The following PFKFB3 variants were observed in gnomAD, a reference collection of about 807,000 sequenced individuals.
PFKFB3 encodes the protein 6-phosphofructo-2-kinase/fructose-2,6-bisphosphatase 3.
PFKFB3 carries 33 observed loss-of-function variants against 68.0 expected under a neutral mutation model. That is an observed-to-expected ratio of 0.49 (90% CI 0.37 to 0.65). The LOEUF (loss-of-function observed/expected upper bound fraction) is 0.65, where lower values mean the gene tolerates loss of function less well. Among genes scored for constraint, PFKFB3 ranks in the 30% least tolerant of loss-of-function variants. PFKFB3 has a pLI of 0.00. For synonymous variants in PFKFB3, 315 were observed against 288.2 expected (o/e 1.09, Z -0.94); for missense variants, 586 against 712.2 (o/e 0.82, Z 2.02).
the PFKFB3 span, among the ~76,000 whole-genome samples, chr10:6,285,201 C>T: frequency 1.3e-5 from 2 of 151,426 alleles, no homozygotes; most frequent in Non-Finnish European, 2.9e-5. Context: ...TTTCTATCAG[C>T]AATACACAAG....
At chr10:6,302,373 T>TG in the PFKFB3 span, among the ~76,000 whole-genome samples, 1 of 83,040 alleles carries the variant, frequency 1.2e-5, no homozygotes, top group African/African-American at 4.5e-5. Flanking sequence ...TTTTTTTTTT[T>TG]TTTTTTTTTT....
intron 1 of PFKFB3, among the ~76,000 whole-genome samples, chr10:6,168,253 G>A (rs542198434): frequency 1.4e-3 from 218 of 152,292 alleles, no homozygotes; most frequent in Non-Finnish European, 2.5e-3. Context: ...CCCACTTGCT[G>A]AGCGAGGGCC....
chr10:6,203,768 C>T (rs753101142), intron 1 of PFKFB3, among the ~76,000 whole-genome samples: 1 of 152,252 alleles, frequency 6.6e-6, no homozygotes, highest in Non-Finnish European at 1.5e-5. Flanking sequence ...CCTCTCCCGC[C>T]TTGCTATGCA....
At chr10:6,326,232 A>G in the PFKFB3 span, among the ~76,000 whole-genome samples, 1 of 152,176 alleles carries the variant, frequency 6.6e-6, no homozygotes, top group African/African-American at 2.4e-5. Context: ...GAGCTGAAAA[A>G]TGAGAACCCG....
chr10:6,253,467 C>T (rs1846425199), intron 14 of PFKFB3, among the ~76,000 whole-genome samples: 1 of 152,068 alleles, frequency 6.6e-6, no homozygotes, highest in Non-Finnish European at 1.5e-5. Flanking sequence ...TTGCAGACAC[C>T]CTTGGCTAAG....
chr10:6,250,513 G>T (rs1014950583), intron 14 of PFKFB3, among the ~76,000 whole-genome samples: 2 of 151,700 alleles, frequency 1.3e-5, no homozygotes, highest in Non-Finnish European at 2.9e-5. Context: ...AGAGCTTGCA[G>T]TGAGCCAAGA....
At chr10:6,274,758 C>A in the PFKFB3 span, among the ~76,000 whole-genome samples, 1 of 152,098 alleles carries the variant, frequency 6.6e-6, no homozygotes, top group Non-Finnish European at 1.5e-5. Context: ...ATCCCTCGAG[C>A]CCGGGTGGTC....
the PFKFB3 span, among the ~76,000 whole-genome samples, chr10:6,280,906 G>A: frequency 1.8e-4 from 27 of 151,546 alleles, no homozygotes; most frequent in African/African-American, 5.3e-4. Flanking sequence ...CCCATCGCCC[G>A]AGCAGTATAC....
intron 10 of PFKFB3, 149 bp from the exon 11 acceptor site, chr10:6,222,706 C>T (rs1845055651): frequency 1.3e-6 from 1 of 776,360 alleles, no homozygotes; most frequent in Non-Finnish European, 1.9e-6. Flanking sequence ...AGCAATAGTC[C>T]ACGTTAAACC....
intron 14 of PFKFB3, among the ~76,000 whole-genome samples, chr10:6,247,039 C>T (rs1043749184): frequency 6.6e-6 from 1 of 152,162 alleles, no homozygotes; most frequent in Non-Finnish European, 1.5e-5. Flanking sequence ...GATGAAGGGC[C>T]GAGGCCATTA....
chr10:6,188,992 G>A (rs934489438), intron 1 of PFKFB3, among the ~76,000 whole-genome samples: 4 of 151,932 alleles, frequency 2.6e-5, no homozygotes, highest in Non-Finnish European at 4.4e-5. Context: ...CCGCCACCTT[G>A]CCCGGCTAAT....
intron 1 of PFKFB3, among the ~76,000 whole-genome samples, chr10:6,184,172 C>T (rs1370256421): frequency 6.6e-6 from 1 of 151,964 alleles, no homozygotes; most frequent in African/African-American, 2.4e-5. Context: ...TGTGCGTCAG[C>T]CTCCCGAGTA....
intron 14 of PFKFB3, among the ~76,000 whole-genome samples, chr10:6,250,767 C>T (rs11257568): frequency 0.082 from 12,435 of 152,118 alleles, 626 homozygotes; most frequent in African/African-American, 0.14. Context: ...TCTTGGACTT[C>T]CTAGCCTCCA....
chr10:6,281,166 C>CATATATATATATATATATAT, the PFKFB3 span, among the ~76,000 whole-genome samples: 74 of 84,552 alleles, frequency 8.8e-4, 1 homozygote, highest in Middle Eastern at 7.2e-3. Context: ...AGTATTCCAT[C>CATATATATATATATATATAT]ATATATATAT....
chr10:6,224,485 C>CT (rs747978615), intron 13 of PFKFB3: 330 of 591,342 alleles, frequency 5.6e-4, no homozygotes, highest in Non-Finnish European at 6.5e-4. Context: ...TACATTCTCT[C>CT]TTTTTTTTTA....
chr10:6,310,429 G>A, the PFKFB3 span, among the ~76,000 whole-genome samples: 5 of 151,980 alleles, frequency 3.3e-5, no homozygotes, highest in Non-Finnish European at 7.4e-5. Flanking sequence ...TGTTTACATC[G>A]CGAGTCTCTG....
At chr10:6,187,923 T>A (rs1343753392) in intron 1 of PFKFB3, among the ~76,000 whole-genome samples, 1 of 149,660 alleles carries the variant, frequency 6.7e-6, no homozygotes, top group East Asian at 1.9e-4. Flanking sequence ...ACCATTTGAC[T>A]CCTCTATCAT....
At chr10:6,205,252 C>T (rs1323620703) in intron 1 of PFKFB3, among the ~76,000 whole-genome samples, 1 of 152,138 alleles carries the variant, frequency 6.6e-6, no homozygotes, top group Non-Finnish European at 1.5e-5. Flanking sequence ...GTGGTGGTGT[C>T]TTTCTCAGTT....
At chr10:6,235,603 G>A (rs1388107594), downstream of PFKFB3, 1 of 152,256 alleles carries the variant, frequency 6.6e-6, no homozygotes. Flanking sequence ...CGGCAGATGC[G>A]CCACGGAGCT....
Sources: gnomAD v4.1 joint callset for allele counts (sites outside exome capture counted in the v4.1 genomes callset) on GRCh38, gnomAD v4.1.1 for gene constraint, MANE v1.5 for transcripts, NCBI Gene and HGNC (gene_info 2026-07-23, HGNC 2026-07-21) for gene names.